The following SHISA9 variants were observed in gnomAD, a reference collection of about 807,000 sequenced individuals.
SHISA9 encodes protein shisa-9.
A neutral mutation model predicts 38.0 loss-of-function variants in SHISA9; 13 were observed. The observed-to-expected ratio is 0.34, with a 90% CI of 0.22 to 0.54. The LOEUF is 0.54. SHISA9 is among the 20% of genes least tolerant of loss of function. The pLI is 0.91. For missense variants in SHISA9, 538 were observed against 575.8 expected (o/e 0.93, Z 0.67); for synonymous variants, 275 against 242.0 (o/e 1.14, Z -1.27).
Position 13,201,836 on chromosome 16 carries a change from A to G in SHISA9, c.692-1558A>G, listed in dbSNP as rs1318184172. ...CAGTGGCTCCTATCAGCCAAGAGCAATTCTCTGGGTATTGAAGGCAGCTGT... is the reference window on the plus strand; with the variant it reads ...CAGTGGCTCCTATCAGCCAAGAGCAGTTCTCTGGGTATTGAAGGCAGCTGT... On this transcript the variant is annotated intron_variant, in intron 2 of 4. Transcript: ENST00000558583. Among the ~76,000 whole-genome samples the G allele has an allele frequency of 1.7e-5, 2 of 120,220 alleles. 1 individual carries two copies. The highest frequency in any genetic ancestry group is 3.5e-5 in the Non-Finnish European group (2 of 56,948). The allele number at this position is 120,220 out of a possible 152,430, so 78.9% of individuals were successfully genotyped here. A position where few individuals can be genotyped will look rare whatever the true frequency, so the allele number is the denominator to read the frequency against.
intron 2 of SHISA9, among the ~76,000 whole-genome samples, chr16:13,191,685 T>C (rs2050887076): frequency 6.6e-6 from 1 of 152,174 alleles, no homozygotes; most frequent in Admixed American, 6.5e-5. Context: ...TCCATTCTTA[T>C]TTCATTATGT....
the SHISA9 span, among the ~76,000 whole-genome samples, chr16:13,505,827 G>A: frequency 1.3e-5 from 2 of 152,208 alleles, no homozygotes; most frequent in Non-Finnish European, 1.5e-5. Flanking sequence ...TGGGTTGGTT[G>A]CAGAAACCTT....
At chr16:13,120,497 G>T (rs2074075565) in intron 2 of SHISA9, among the ~76,000 whole-genome samples, 1 of 152,160 alleles carries the variant, frequency 6.6e-6, no homozygotes. Flanking sequence ...GAACGCTGGG[G>T]ACTGAGAGAA....
intron 4 of SHISA9, among the ~76,000 whole-genome samples, chr16:13,223,515 A>G (rs1244651986): frequency 6.6e-6 from 1 of 152,138 alleles, no homozygotes; most frequent in Admixed American, 6.5e-5. Context: ...TTCCTTCTCA[A>G]CATTCCCAGA....
chr16:13,535,597 T>C, the SHISA9 span, among the ~76,000 whole-genome samples: 1 of 152,338 alleles, frequency 6.6e-6, no homozygotes, highest in African/African-American at 2.4e-5. Context: ...CAGAAACCAT[T>C]TGGCTCACAA....
intron 2 of SHISA9, among the ~76,000 whole-genome samples, chr16:13,136,937 T>A (rs2050354844): frequency 6.6e-6 from 1 of 152,198 alleles, no homozygotes; most frequent in Non-Finnish European, 1.5e-5. Flanking sequence ...AGGAGTTAGA[T>A]TGAGAAGGTT....
chr16:13,208,876 A>G (rs747523979), intron 3 of SHISA9, among the ~76,000 whole-genome samples: 1 of 152,124 alleles, frequency 6.6e-6, no homozygotes, highest in Non-Finnish European at 1.5e-5. Context: ...AGGACTCCCA[A>G]CACCTATTTG....
chr16:12,929,875 T>G (rs1173423777), intron 2 of SHISA9, among the ~76,000 whole-genome samples: 3 of 152,194 alleles, frequency 2.0e-5, no homozygotes, highest in South Asian at 4.1e-4. Flanking sequence ...CGCTCTTCCC[T>G]CTGCCTGCAA....
the SHISA9 span, among the ~76,000 whole-genome samples, chr16:13,503,971 A>C: frequency 1.3e-5 from 2 of 152,286 alleles, no homozygotes; most frequent in Middle Eastern, 3.4e-3. Flanking sequence ...AAAAGAAGGA[A>C]GGCTCCCCCT....
the SHISA9 span, among the ~76,000 whole-genome samples, chr16:13,528,772 G>T: frequency 6.6e-6 from 1 of 152,160 alleles, no homozygotes; most frequent in Admixed American, 6.5e-5. Flanking sequence ...AATTACATAA[G>T]ATTCTTGTAA....
chr16:13,470,566 C>T, the SHISA9 span, among the ~76,000 whole-genome samples: 2 of 152,158 alleles, frequency 1.3e-5, no homozygotes, highest in African/African-American at 2.4e-5. Context: ...TCTCATGAGA[C>T]TTATTCACTA....
chr16:13,494,735 T>C, the SHISA9 span, among the ~76,000 whole-genome samples: 2 of 152,320 alleles, frequency 1.3e-5, no homozygotes, highest in African/African-American at 4.8e-5. Flanking sequence ...CGTAGAAATA[T>C]GCTTACAATA....
the SHISA9 span, among the ~76,000 whole-genome samples, chr16:13,350,899 C>T: frequency 6.6e-6 from 1 of 152,116 alleles, no homozygotes; most frequent in Non-Finnish European, 1.5e-5. Flanking sequence ...AGGACTTAAT[C>T]TTACAATACA....
the SHISA9 span, among the ~76,000 whole-genome samples, chr16:13,309,611 C>T: frequency 1.4e-5 from 2 of 147,636 alleles, no homozygotes; most frequent in Non-Finnish European, 3.0e-5. Context: ...CCACTGTACT[C>T]CAGCCTGGGT....
chr16:13,331,476 T>A, the SHISA9 span: 1 of 152,208 alleles, frequency 6.6e-6, no homozygotes, highest in Non-Finnish European at 1.5e-5. Flanking sequence ...CCAAACATGA[T>A]AATTTTATGA....
At chr16:13,142,989 C>CATTTTA (rs138819734) in intron 2 of SHISA9, among the ~76,000 whole-genome samples, 1 of 141,270 alleles carries the variant, frequency 7.1e-6, no homozygotes, top group African/African-American at 2.7e-5. Context: ...TAGCTGTTTC[C>CATTTTA]TTTTATTTTA....
chr16:13,337,284 T>G, the SHISA9 span, among the ~76,000 whole-genome samples: 1 of 152,188 alleles, frequency 6.6e-6, no homozygotes, highest in Non-Finnish European at 1.5e-5. Context: ...TCCCCCATAC[T>G]GTTCTCATGG....
intron 2 of SHISA9, among the ~76,000 whole-genome samples, chr16:13,169,950 C>A (rs1004730699): frequency 1.3e-5 from 2 of 152,040 alleles, no homozygotes; most frequent in African/African-American, 4.8e-5. Context: ...TCCCTATAAT[C>A]CCAGCACTTT....
chr16:12,991,838 C>G (rs1259023863), intron 2 of SHISA9, among the ~76,000 whole-genome samples: 1 of 151,982 alleles, frequency 6.6e-6, no homozygotes, highest in Non-Finnish European at 1.5e-5. Flanking sequence ...AGATCCTTTT[C>G]CTTTTAATAG....
Sources: gnomAD v4.1 joint callset for allele counts (sites outside exome capture counted in the v4.1 genomes callset) on GRCh38, gnomAD v4.1.1 for gene constraint, MANE v1.5 for transcripts, NCBI Gene and HGNC (gene_info 2026-07-23, HGNC 2026-07-21) for gene names.